Variants in PRIM2 observed in about 807,000 individuals in gnomAD.
PRIM2 encodes DNA primase subunit 2.
In PRIM2, 39 loss-of-function variants were observed where a neutral mutation model predicts 67.3. The ratio of observed to expected loss-of-function variants is 0.58; its 90% confidence interval spans 0.45 to 0.76. The LOEUF is 0.76. Ranked by LOEUF, PRIM2 falls within the 30% of genes least tolerant of loss-of-function variation. The probability of loss-of-function intolerance (pLI) is 0.00; values close to 1 mark genes in which losing one functional copy is unlikely to be tolerated. For synonymous variants in PRIM2, 143 were observed against 198.7 expected (o/e 0.72, Z 2.36); for missense variants, 398 against 598.7 (o/e 0.66, Z 3.50).
At chr6:57,594,308 G>A (rs1320941549) in intron 10 of PRIM2, among the ~76,000 whole-genome samples, 4 of 152,110 alleles carry the variant, frequency 2.6e-5, no homozygotes, top group African/African-American at 4.8e-5. Context: ...AAAAGAAATC[G>A]GCAAGCCAAT....
At chr6:57,480,729 A>G (rs1257538642) in intron 7 of PRIM2, among the ~76,000 whole-genome samples, 1 of 152,140 alleles carries the variant, frequency 6.6e-6, no homozygotes, top group East Asian at 1.9e-4. Context: ...CCCAGGTTCA[A>G]GCAATTCTCC....
At chr6:57,423,236 C>T (rs1454649101) in intron 7 of PRIM2, among the ~76,000 whole-genome samples, 1 of 152,026 alleles carries the variant, frequency 6.6e-6, no homozygotes, top group Non-Finnish European at 1.5e-5. Flanking sequence ...AGAGAAGTTC[C>T]AGATGTAGGA....
At chr6:57,446,606 G>A (rs1772376907) in intron 7 of PRIM2, among the ~76,000 whole-genome samples, 1 of 151,758 alleles carries the variant, frequency 6.6e-6, no homozygotes, top group African/African-American at 2.4e-5. Flanking sequence ...CAGAAAACAA[G>A]GTGGATAGGT....
chr6:57,407,206 C>T (rs1471751893), intron 7 of PRIM2, among the ~76,000 whole-genome samples: 4 of 151,944 alleles, frequency 2.6e-5, no homozygotes, highest in Non-Finnish European at 5.9e-5. Context: ...ATGAATATAC[C>T]TTTTTGGATT....
intron 11 of PRIM2, among the ~76,000 whole-genome samples, chr6:57,604,451 T>G (rs2127492391): frequency 6.6e-6 from 1 of 152,208 alleles, no homozygotes; most frequent in South Asian, 2.1e-4. Context: ...TTGGATGGCT[T>G]TTATTTCTTT....
At chr6:57,442,597 G>A (rs1371083822) in intron 7 of PRIM2, among the ~76,000 whole-genome samples, 3 of 152,048 alleles carry the variant, frequency 2.0e-5, no homozygotes, top group Admixed American at 1.3e-4. Context: ...ATTTAATCAT[G>A]GTGGTATTTT....
intron 10 of PRIM2, among the ~76,000 whole-genome samples, chr6:57,587,506 T>C (rs1339563802): frequency 2.6e-5 from 4 of 151,312 alleles, no homozygotes; most frequent in African/African-American, 9.7e-5. Context: ...CTACTAAAAA[T>C]ACAAAAAATT....
chr6:57,439,576 C>T (rs1772135152), intron 7 of PRIM2, among the ~76,000 whole-genome samples: 2 of 151,646 alleles, frequency 1.3e-5, no homozygotes, highest in South Asian at 2.1e-4. Flanking sequence ...CCACCACGCC[C>T]AGCTACTTTT....
chr6:57,604,795 G>T (rs1442137770), intron 11 of PRIM2, among the ~76,000 whole-genome samples: 4 of 151,278 alleles, frequency 2.6e-5, no homozygotes, highest in African/African-American at 9.7e-5. Context: ...GGTTCATGCC[G>T]TTCTCCTGCC....
intron 8 of PRIM2, among the ~76,000 whole-genome samples, chr6:57,522,174 ATGT>A (rs1315052596): frequency 2.0e-5 from 3 of 152,170 alleles, no homozygotes; most frequent in African/African-American, 7.2e-5. Flanking sequence ...CCCAAGTAAA[ATGT>A]TGTAAAAACA....
chr6:57,508,242 T>A (rs1434162078), intron 8 of PRIM2, among the ~76,000 whole-genome samples: 1 of 152,208 alleles, frequency 6.6e-6, no homozygotes, highest in Non-Finnish European at 1.5e-5. Flanking sequence ...CTGCCCTTTC[T>A]GTGTTTTTGT....
intron 7 of PRIM2, among the ~76,000 whole-genome samples, chr6:57,481,698 C>G (rs1276797235): frequency 6.6e-6 from 1 of 151,946 alleles, no homozygotes; most frequent in African/African-American, 2.4e-5. Context: ...AGTGACTATA[C>G]TATTTCACAT....
At chr6:57,450,832 T>C (rs1436154759) in intron 7 of PRIM2, among the ~76,000 whole-genome samples, 1 of 152,232 alleles carries the variant, frequency 6.6e-6, no homozygotes, top group African/African-American at 2.4e-5. Context: ...TACTATACTT[T>C]AGTATACTGT....
intron 7 of PRIM2, among the ~76,000 whole-genome samples, chr6:57,477,722 A>G (rs1773509268): frequency 6.6e-6 from 1 of 152,226 alleles, no homozygotes; most frequent in Admixed American, 6.5e-5. Context: ...ACTGGTAGAC[A>G]GGAGGTTATA....
chr6:57,498,707 C>T (rs1378446771), intron 7 of PRIM2, among the ~76,000 whole-genome samples: 1 of 152,186 alleles, frequency 6.6e-6, no homozygotes, highest in South Asian at 2.1e-4. Flanking sequence ...TTTTTCCTGT[C>T]ATTTTTATGT....
intron 5 of PRIM2, among the ~76,000 whole-genome samples, chr6:57,375,689 T>C: frequency 6.6e-6 from 1 of 150,968 alleles, no homozygotes; most frequent in Non-Finnish European, 1.5e-5. Context: ...TTTTTTTTTT[T>C]AAAGTAGCTG....
intron 11 of PRIM2, among the ~76,000 whole-genome samples, chr6:57,603,190 C>A (rs1192646788): frequency 6.6e-6 from 1 of 152,090 alleles, no homozygotes; most frequent in African/African-American, 2.4e-5. Flanking sequence ...TCCCATAGTT[C>A]TTAGGTATTG....
chr6:57,264,074 C>T, the PRIM2 span, among the ~76,000 whole-genome samples: 2 of 152,206 alleles, frequency 1.3e-5, no homozygotes, highest in South Asian at 2.1e-4. Context: ...CTGGTTATAG[C>T]TTGCCTTGGG....
Position 57,603,770 on chromosome 6 carries a change from G to C in PRIM2, c.1147+2551G>C, listed in dbSNP as rs1295715381. Among the ~76,000 whole-genome samples the C allele has an allele frequency of 9.2e-5, 14 of 151,422 alleles. No individual in the cohort carries two copies. The East Asian group carries it at 1.6e-3, about 17-fold the overall frequency. On this transcript the variant is annotated intron_variant, in intron 11 of 13. Coordinates refer to ENST00000615550, the MANE Select transcript of PRIM2 (RefSeq NM_000947.5). ...AGCATTGAATCTGTACATTACTTAG[G>C]GTGGTATGGCCATTTTAATGACATT...
Sources: gnomAD v4.1 joint callset for allele counts (sites outside exome capture counted in the v4.1 genomes callset) on GRCh38, gnomAD v4.1.1 for gene constraint, MANE v1.5 for transcripts, NCBI Gene and HGNC (gene_info 2026-07-23, HGNC 2026-07-21) for gene names.